Variants in LNPK observed in about 807,000 individuals in gnomAD.
LNPK encodes the protein lunapark, ER junction formation factor.
Under a neutral mutation model 55.2 loss-of-function variants are expected in LNPK, and 29 were observed. The observed-to-expected ratio is 0.53, with a 90% CI of 0.39 to 0.72. The LOEUF (loss-of-function observed/expected upper bound fraction) is 0.72. Among genes scored for constraint, LNPK ranks in the 30% least tolerant of loss-of-function variants. The pLI is 0.00. For synonymous variants in LNPK, 162 were observed against 168.2 expected (o/e 0.96, Z 0.29); for missense variants, 467 against 494.8 (o/e 0.94, Z 0.53).
chr2:175,972,892 C>T (rs1686726243), intron 5 of LNPK, among the ~76,000 whole-genome samples: 1 of 152,122 alleles, frequency 6.6e-6, no homozygotes, highest in Admixed American at 6.5e-5. Context: ...TTCAATTATA[C>T]AGTGAAATGG....
rs190734123 is a variant in LNPK, at chr2:175,986,857, T to C, written c.257+5374A>G. Among the ~76,000 whole-genome samples, 177 of 150,804 alleles carry C rather than the reference T, an allele frequency of 1.2e-3. 1 individual carries two copies. Among genetic ancestry groups the C allele is most frequent in the Admixed American group, 4.4e-3 (66 of 15,150 alleles). ...CCCAATGGTGAAACATTAGAAGAAT[T>C]CCCAAAAAAACACATCAAGTATGTC... On this transcript the variant is annotated intron_variant, in intron 4 of 12. Coordinates refer to ENST00000272748, the MANE Select transcript of LNPK (RefSeq NM_030650.3).
In LNPK at chr2:175,929,012, T is replaced by C; in HGVS notation, c.*955A>G. 1.8e-6 allele frequency: 1 copy of C among 565,406 alleles called. No individual in the cohort carries two copies. The highest frequency in any genetic ancestry group is 2.2e-6 in the Non-Finnish European group (1 of 445,774). 35.0% of individuals were successfully genotyped at this position (565,406 alleles called of 1,614,324 possible). Reference sequence around the variant, plus strand: ...GTACCATAATTTGCTCTAAGCAGAATCTACAGATTTATTGTATTGTGAGCT... The same window carrying C: ...GTACCATAATTTGCTCTAAGCAGAACCTACAGATTTATTGTATTGTGAGCT... On this transcript the variant is annotated 3_prime_UTR_variant, in exon 13 of 13. Transcript: ENST00000272748.
At chr2:175,956,925 G>C (rs1054459508) in intron 8 of LNPK, among the ~76,000 whole-genome samples, 1 of 152,134 alleles carries the variant, frequency 6.6e-6, no homozygotes. Context: ...AACTGGAAAA[G>C]CACACAGAAT....
At chr2:175,940,867 T>TA (rs1425564389) in intron 9 of LNPK, 18 of 353,194 alleles carry the variant, frequency 5.1e-5, no homozygotes, top group Admixed American at 1.2e-4. Flanking sequence ...ATGTCTAGTA[T>TA]AAAAAAAATC....
chr2:175,946,789 C>G (rs1005143343), intron 9 of LNPK, among the ~76,000 whole-genome samples: 2 of 151,944 alleles, frequency 1.3e-5, no homozygotes, highest in Non-Finnish European at 2.9e-5. Context: ...ACATGGAAAT[C>G]TACATAAAAC....
chr2:175,934,774 T>G (rs1328573841), intron 12 of LNPK, among the ~76,000 whole-genome samples: 1 of 151,648 alleles, frequency 6.6e-6, no homozygotes, highest in Non-Finnish European at 1.5e-5. Flanking sequence ...TTGCCGTATT[T>G]AGTATGCCCT....
At chr2:175,946,459 TAA>T (rs1306550544) in intron 9 of LNPK, among the ~76,000 whole-genome samples, 3 of 152,182 alleles carry the variant, frequency 2.0e-5, no homozygotes, top group Admixed American at 2.0e-4. Flanking sequence ...GTAACTATTT[TAA>T]AAGTTTTAAG....
rs12622749 is a variant in LNPK, at chr2:175,928,201, G to C, written c.*1766C>G. ...ATCTGAGAAGCTGAATTACATGTTC[G>C]TATTATTTTTTACTTTCCTCATCTG... is the stretch of plus-strand genomic sequence containing the variant. On this transcript the variant is annotated 3_prime_UTR_variant, in exon 13 of 13. Coordinates refer to ENST00000272748, the MANE Select transcript of LNPK (RefSeq NM_030650.3). 75 of 152,038 alleles carry C rather than the reference G, an allele frequency of 4.9e-4. No individual in the cohort carries two copies. The highest frequency in any genetic ancestry group is 1.8e-3 in the African/African-American group (73 of 41,496). 9.4% of individuals were successfully genotyped at this position (152,038 alleles called of 1,614,324 possible).
intron 1 of LNPK, among the ~76,000 whole-genome samples, chr2:175,998,713 T>C (rs1688052753): frequency 6.6e-6 from 1 of 152,182 alleles, no homozygotes; most frequent in South Asian, 2.1e-4. Flanking sequence ...ATGTATTGTG[T>C]AACCCAATTC....
At chr2:175,983,286 TTGGGGGGAAGTTTTG>T (rs1423595837) in intron 4 of LNPK, among the ~76,000 whole-genome samples, 1 of 151,914 alleles carries the variant, frequency 6.6e-6, no homozygotes, top group African/African-American at 2.4e-5. Context: ...GGCAAGGGGG[TTGGGGGGAAGTTTTG>T]TATTGTGAAA....
chr2:175,930,682 G>T (rs1236524761), intron 12 of LNPK, among the ~76,000 whole-genome samples: 4 of 151,952 alleles, frequency 2.6e-5, no homozygotes, highest in Admixed American at 1.3e-4. Context: ...GGGTGTGTGT[G>T]GGTGTGGGTG....
At chr2:175,956,278 C>A (rs1449879664) in intron 8 of LNPK, among the ~76,000 whole-genome samples, 696 of 108,078 alleles carry the variant, frequency 6.4e-3, no homozygotes, top group South Asian at 7.7e-3. Context: ...ACCATGTATT[C>A]AAAAAAAAAA....
intron 5 of LNPK, among the ~76,000 whole-genome samples, chr2:175,978,373 C>A (rs1424150115): frequency 6.6e-6 from 1 of 152,050 alleles, no homozygotes; most frequent in Non-Finnish European, 1.5e-5. Context: ...GACAATTTCA[C>A]TTGGTGGTGT....
Position 175,998,182 on chromosome 2 carries a change from G to A in LNPK, c.-62-2536C>T, listed in dbSNP as rs111486279. ...AAGCAGGCCGGGTGCGGTGGCTCAC[G>A]CCTGTAATCCCAACACTTTGGGAGG... On this transcript the variant is annotated intron_variant, in intron 1 of 12. Coordinates refer to ENST00000272748, the MANE Select transcript of LNPK (RefSeq NM_030650.3). Among the ~76,000 whole-genome samples the A allele has an allele frequency of 5.4e-3, 826 of 152,196 alleles. 6 individuals are homozygous for A. The highest frequency in any genetic ancestry group is 0.019 in the African/African-American group (784 of 41,538).
chr2:175,937,632 G>A, intron 11 of LNPK, 118 bp from the exon 12 acceptor site: 2 of 648,426 alleles, frequency 3.1e-6, no homozygotes, highest in South Asian at 2.1e-5. Flanking sequence ...AAAAGTTACT[G>A]TGTATGTTAT....
rs116924126 is a variant in LNPK, at chr2:175,931,737, G to A, written c.1055-1538C>T. Among the ~76,000 whole-genome samples the A allele has an allele frequency of 1.9e-4, 29 of 152,234 alleles. No homozygotes were observed. In the East Asian group the frequency reaches 5.6e-3, roughly 29 times the overall value. ...TGGAATTTTATAAAAATCCAAGTTA[G>A]AAAACAGTAAGTCACTTGAATTTTG... On this transcript the variant is annotated intron_variant, in intron 12 of 12. Transcript: ENST00000272748.
Position 175,995,573 on chromosome 2 carries a change from T to A in LNPK, c.12A>T (p.Leu4Phe), listed in dbSNP as rs1475459776. ...AGTACCTTACCCTCCATCGAGAAAA[T>A]AATCCACCCATCTTTTATTTGTAGA... MGG[L>F]FSRWRTKPST... The change falls in exon 2 of 13, where the codon TTA becomes TTT. Residue 4 changes from leucine (L) to phenylalanine (F), a missense_variant. Coordinates refer to ENST00000272748, the MANE Select transcript of LNPK (RefSeq NM_030650.3). 4 of 1,610,486 alleles carry A rather than the reference T, an allele frequency of 2.5e-6. No homozygotes were observed. The highest frequency in any genetic ancestry group is 3.4e-6 in the Non-Finnish European group (4 of 1,177,412).
chr2:175,988,940 A>AT (rs1574896764), intron 4 of LNPK, among the ~76,000 whole-genome samples: 1 of 151,770 alleles, frequency 6.6e-6, no homozygotes, highest in South Asian at 2.1e-4. Context: ...TGCTGGGCTA[A>AT]TTTTTTTTGT....
chr2:175,936,427 A>T (rs1684548639), intron 12 of LNPK, among the ~76,000 whole-genome samples: 1 of 152,194 alleles, frequency 6.6e-6, no homozygotes, highest in Non-Finnish European at 1.5e-5. Flanking sequence ...TATGAAGAAA[A>T]TATCAAATAC....
Sources: gnomAD v4.1 joint callset for allele counts (sites outside exome capture counted in the v4.1 genomes callset) on GRCh38, gnomAD v4.1.1 for gene constraint, MANE v1.5 for transcripts, NCBI Gene and HGNC (gene_info 2026-07-23, HGNC 2026-07-21) for gene names.